The following WIPI2 variants were observed in gnomAD, a reference collection of about 807,000 sequenced individuals.
WIPI2 encodes the protein WD repeat domain, phosphoinositide interacting 2.
WIPI2 carries 28 observed loss-of-function variants against 52.3 expected under a neutral mutation model. The ratio of observed to expected loss-of-function variants is 0.54; its 90% CI spans 0.40 to 0.73. The LOEUF is 0.73. WIPI2 is among the 30% of genes least tolerant of loss of function. The probability of loss-of-function intolerance (pLI) is 0.00; values close to 1 mark genes in which losing one functional copy is unlikely to be tolerated. For synonymous variants in WIPI2, 268 were observed against 245.0 expected, an observed-to-expected ratio of 1.09 and a Z score of -0.88; for missense variants, 506 against 602.9, an observed-to-expected ratio of 0.84 and a Z score of 1.68.
rs181459699 is a variant in WIPI2 at position 5,214,710 on chromosome 7, C to T, written c.381+6C>T. 1.6e-5 allele frequency: 26 copies of T among 1,613,492 alleles called. No individual in the cohort carries two copies. The highest frequency in any genetic ancestry group is 1.9e-5 in the Non-Finnish European group (23 of 1,179,994). ...CTGTGAAGCTCAACAGGCAGGTGAG[C>T]GCTGCCCCAGCTGGGTGTGGGCTTG... On this transcript the variant is annotated splice_donor_region_variant and intron_variant, in intron 4 of 12. Transcript: ENST00000288828.
chr7:5,199,741 C>T (rs1305044366), intron 3 of WIPI2, 83 bp downstream of exon 3: 34 of 1,365,446 alleles, frequency 2.5e-5, no homozygotes, highest in South Asian at 5.4e-5. Context: ...AAAATTCAGA[C>T]GCTGTGGTTG....
chr7:5,197,695 C>T (rs950451244), intron 2 of WIPI2, among the ~76,000 whole-genome samples: 1 of 152,140 alleles, frequency 6.6e-6, no homozygotes, highest in African/African-American at 2.4e-5. Flanking sequence ...AGTTGGAAAT[C>T]TCAAGTTTTT....
intron 2 of WIPI2, among the ~76,000 whole-genome samples, chr7:5,198,139 T>A (rs1303609103): frequency 6.6e-6 from 1 of 152,182 alleles, no homozygotes; most frequent in East Asian, 1.9e-4. Flanking sequence ...ACGGGGCCTT[T>A]GATTCCAGAC....
chr7:5,196,135 T>C (rs1781735210), intron 2 of WIPI2, among the ~76,000 whole-genome samples: 1 of 151,666 alleles, frequency 6.6e-6, no homozygotes, highest in African/African-American at 2.4e-5. Flanking sequence ...AGGTCAAGAG[T>C]TCGAGACCAG....
In WIPI2 at chr7:5,233,364, C is replaced by G. The variant is rs774838347; in HGVS notation, c.*2417C>G. On this transcript the variant is annotated 3_prime_UTR_variant, in exon 13 of 13. Coordinates refer to ENST00000288828, the MANE Select transcript of WIPI2 (RefSeq NM_015610.4). ...GCTGAGTTGCCCGTTAGAACTCTTA[C>G]TGCTGCGCCAGTGACCCAGGTGGAG... 4 of 152,316 alleles carry G rather than the reference C, an allele frequency of 2.6e-5. No homozygotes were observed. Among genetic ancestry groups the G allele is most frequent in the African/African-American group, 9.6e-5 (4 of 41,470 alleles). 9.4% of individuals were successfully genotyped at this position (152,316 alleles called of 1,614,324 possible).
chr7:5,228,824 G>C (rs1034789006), intron 11 of WIPI2, among the ~76,000 whole-genome samples: 1 of 152,162 alleles, frequency 6.6e-6, no homozygotes, highest in Non-Finnish European at 1.5e-5. Context: ...GACCTCCCAG[G>C]TTCAAGGGAT....
intron 3 of WIPI2, among the ~76,000 whole-genome samples, chr7:5,210,035 G>A (rs1283795387): frequency 3.3e-5 from 5 of 151,344 alleles, no homozygotes; most frequent in Non-Finnish European, 5.9e-5. Context: ...AGCCTCCCAA[G>A]TAGCTGGGAT....
chr7:5,216,473 T>C (rs2115278327), intron 4 of WIPI2, 90 bp from the exon 5 acceptor site: 3 of 991,286 alleles, frequency 3.0e-6, no homozygotes, highest in Non-Finnish European at 4.8e-6. Flanking sequence ...AATGAGAGCG[T>C]CATAGTCCAG....
chr7:5,193,042 C>T, intron 1 of WIPI2, 76 bp from the exon 2 acceptor site: 1 of 1,400,748 alleles, frequency 7.1e-7, no homozygotes. Context: ...TTTCATGATT[C>T]CTATCCTAAA....
chr7:5,216,256 AC>A, intron 4 of WIPI2: 1 of 238,020 alleles, frequency 4.2e-6, no homozygotes, highest in South Asian at 6.3e-5. Context: ...ACATGGTGAA[AC>A]CCCATCTCTA....
intron 8 of WIPI2, among the ~76,000 whole-genome samples, chr7:5,225,617 A>G (rs1013328418): frequency 6.6e-6 from 1 of 152,232 alleles, no homozygotes; most frequent in African/African-American, 2.4e-5. Flanking sequence ...GGAAGCTTGC[A>G]GCTGTGTTAA....
At chr7:5,203,900 G>T (rs1359617756) in intron 3 of WIPI2, among the ~76,000 whole-genome samples, 1 of 152,152 alleles carries the variant, frequency 6.6e-6, no homozygotes, top group African/African-American at 2.4e-5. Context: ...TGGGATTATA[G>T]GCGTGAGCCA....
chr7:5,229,396 G>A, intron 11 of WIPI2: 1 of 496,446 alleles, frequency 2.0e-6, no homozygotes, highest in East Asian at 3.5e-5. Flanking sequence ...GTCTTGTTAG[G>A]TATAACTCCC....
At position 5,205,137 on chromosome 7, in the gene WIPI2, G is replaced by C. The variant is rs113401908; in HGVS notation, c.211+5479G>C. ...ATTAGAGGCATGCACCACCACGCCC[G>C]GCTACATTTTGTATTTTTAGTAGAG... On this transcript the variant is annotated intron_variant, in intron 3 of 12. Transcript: ENST00000288828. Among the ~76,000 whole-genome samples the C allele has an allele frequency of 3.9e-4, 59 of 152,146 alleles. 1 individual carries two copies. The highest frequency in any genetic ancestry group is 3.4e-3 in the Middle Eastern group (1 of 294).
chr7:5,203,457 A>G (rs1782129638), intron 3 of WIPI2, among the ~76,000 whole-genome samples: 1 of 152,192 alleles, frequency 6.6e-6, no homozygotes, highest in African/African-American at 2.4e-5. Context: ...GCAGAAGCAA[A>G]AAGCAACATT....
Position 5,199,646 on chromosome 7 carries a change from A to C in WIPI2, c.199A>C (p.Ile67Leu). Residue 67 changes from isoleucine (I) to leucine (L), a missense_variant, in exon 3 of 13, where the codon ATC becomes CTC. Ile to Leu is a conservative substitution (Grantham distance 5). Transcript: ENST00000288828. The stretch of plus-strand genomic sequence containing the variant: ...TTCTTCTGTGGATAAGCTGGAACAG[A>C]TCTATGAATGCAGTAAGTGTTTGCT... Reference protein sequence around the residue: ...SLSSVDKLEQIYECTDTEDVC... With the variant: ...SLSSVDKLEQLYECTDTEDVC... 6.2e-7 allele frequency: 1 copy of C among 1,607,444 alleles called. No individual in the cohort carries two copies. Among genetic ancestry groups the C allele is most frequent in the East Asian group, 2.2e-5 (1 of 44,822 alleles).
chr7:5,214,539 T>C lies in WIPI2; in HGVS notation c.216T>C (p.Asp72=). 7 of 1,614,262 alleles carry C rather than the reference T, an allele frequency of 4.3e-6. No individual in the cohort carries two copies. The highest frequency in any genetic ancestry group is 5.9e-6 in the Non-Finnish European group (7 of 1,180,054). The part of the protein sequence containing the change: ...DKLEQIYECT[D]TEDVCIVERL... ...TACTTCCCTTTGTGATTTCAGCCGATACGGAAGATGTGTGCATTGTAGAGA... is the reference window on the plus strand; with the variant it reads ...TACTTCCCTTTGTGATTTCAGCCGACACGGAAGATGTGTGCATTGTAGAGA... Residue 72 remains aspartate (D), a synonymous_variant, in exon 4 of 13, where the codon GAT becomes GAC. Coordinates refer to ENST00000288828, the MANE Select transcript of WIPI2 (RefSeq NM_015610.4).
rs569351908 is a variant in WIPI2, at chr7:5,229,367, A to C, written c.1122-241A>C. The C allele has an allele frequency of 8.2e-5, 31 of 379,310 alleles. 2 individuals are homozygous for C. In the South Asian group the frequency reaches 1.2e-3, roughly 15 times the overall value. The allele number at this position is 379,310 out of a possible 1,614,324, so 23.5% of individuals were successfully genotyped here. On this transcript the variant is annotated intron_variant, in intron 11 of 12. Transcript: ENST00000288828. ...ATCCTCGTTATTAGTTAGTTCTTCCATTGTAAAAGTGAAATATTGTCTTGT... is the reference window on the plus strand; with the variant it reads ...ATCCTCGTTATTAGTTAGTTCTTCCCTTGTAAAAGTGAAATATTGTCTTGT...
At chr7:5,197,488 T>C (rs542857823) in intron 2 of WIPI2, among the ~76,000 whole-genome samples, 46 of 152,326 alleles carry the variant, frequency 3.0e-4, no homozygotes, top group African/African-American at 1.0e-3. Flanking sequence ...ATTATTTCAT[T>C]GATACAACAA....
Sources: allele counts gnomAD v4.1 joint callset (sites outside exome capture counted in the v4.1 genomes callset), GRCh38; gene constraint gnomAD v4.1.1; transcripts MANE v1.5; gene names NCBI Gene and HGNC (gene_info 2026-07-23, HGNC 2026-07-21).